Variants in PDXDC1 observed in about 807,000 individuals in gnomAD.
PDXDC1 encodes the protein pyridoxal dependent decarboxylase domain containing 1, also known as pyridoxal-dependent decarboxylase domain-containing protein 1.
PDXDC1 carries 42 observed loss-of-function variants against 100.1 expected under a neutral mutation model. That is an observed-to-expected ratio of 0.42 (90% CI 0.33 to 0.54). The LOEUF is 0.54. PDXDC1 is among the 20% of genes least tolerant of loss of function. The pLI is 0.10. For missense variants in PDXDC1, 636 were observed against 979.2 expected, an observed-to-expected ratio of 0.65 and a Z score of 4.68; for synonymous variants, 260 against 371.7, an observed-to-expected ratio of 0.70 and a Z score of 3.46.
chr16:15,120,969 AAG>A (rs1337788527), intron 16 of PDXDC1, among the ~76,000 whole-genome samples: 5 of 71,620 alleles, frequency 7.0e-5, no homozygotes, highest in South Asian at 4.4e-4. Context: ...TCTCAAAAAA[AAG>A]AAAAAAAAAA....
chr16:15,073,924 T>C (rs1415756170), intron 16 of PDXDC1, among the ~76,000 whole-genome samples: 1 of 152,146 alleles, frequency 6.6e-6, no homozygotes, highest in Admixed American at 6.5e-5. Context: ...GGCAATGATA[T>C]GAGAAAATGT....
At chr16:15,020,021 A>G (rs2042063283) in intron 12 of PDXDC1, among the ~76,000 whole-genome samples, 1 of 145,036 alleles carries the variant, frequency 6.9e-6, no homozygotes, top group African/African-American at 2.5e-5. Flanking sequence ...CTGAGGCCGG[A>G]GAATGGTGTG....
At chr16:15,139,673 C>T (rs1472033999), downstream of PDXDC1, among the ~76,000 whole-genome samples, 2 of 151,766 alleles carry the variant, frequency 1.3e-5, no homozygotes, top group African/African-American at 4.8e-5. Flanking sequence ...TCCAACTACT[C>T]GGGGGGCTGA....
At chr16:14,991,313 T>C (rs1250068258) in intron 1 of PDXDC1, among the ~76,000 whole-genome samples, 1 of 143,136 alleles carries the variant, frequency 7.0e-6, no homozygotes, top group Non-Finnish European at 1.5e-5. Flanking sequence ...GTGTATTTGT[T>C]GTTGTCGAGA....
chr16:15,150,546 G>A, the PDXDC1 span, among the ~76,000 whole-genome samples: 1 of 149,250 alleles, frequency 6.7e-6, no homozygotes, highest in Non-Finnish European at 1.5e-5. Context: ...GCGCGCGCCT[G>A]TAATCCCAGC....
downstream of PDXDC1, among the ~76,000 whole-genome samples, chr16:15,141,718 C>T (rs1015617942): frequency 1.3e-5 from 2 of 152,208 alleles, no homozygotes; most frequent in African/African-American, 4.8e-5. Context: ...GGTGGGCCCA[C>T]AGCCACGCTG....
chr16:15,053,888 G>A (rs1433889295), intron 16 of PDXDC1, among the ~76,000 whole-genome samples: 1 of 152,148 alleles, frequency 6.6e-6, no homozygotes, highest in African/African-American at 2.4e-5. Context: ...ATCCAGCCTG[G>A]GCCACAGAAC....
At chr16:15,055,805 A>T in intron 16 of PDXDC1, 1 of 721,208 alleles carries the variant, frequency 1.4e-6, no homozygotes, top group Non-Finnish European at 1.9e-6. Context: ...CCAAGTTTCA[A>T]GTCTGTGTCG....
In PDXDC1 at chr16:15,126,041, T is replaced by A. The variant is rs2047701603; in HGVS notation, c.1400-12838T>A. The A allele has an allele frequency of 1.5e-4, 88 of 573,644 alleles. 2 individuals carry two copies. In the South Asian group the frequency reaches 1.7e-3, roughly 11 times the overall value. 35.5% of individuals were successfully genotyped at this position (573,644 alleles called of 1,614,324 possible). On this transcript the variant is annotated intron_variant, in intron 16 of 16. Coordinates refer to the PDXDC1 transcript ENST00000535621. ...TAAGGAACAGAGTTTTCAATTTCAT[T>A]TTTTTTTTTCTTAGATGGAGTCTCG...
At chr16:15,131,431 C>T in intron 16 of PDXDC1, 1 of 1,608,462 alleles carries the variant, frequency 6.2e-7, no homozygotes, top group Non-Finnish European at 8.5e-7. Context: ...CGGGGCCCTG[C>T]TGAAAGCCTA....
intron 16 of PDXDC1, chr16:15,044,555 T>C (rs572245505): frequency 1.5e-5 from 10 of 648,418 alleles, no homozygotes; most frequent in Non-Finnish European, 2.5e-5. Flanking sequence ...AAAGAAAGTA[T>C]CGGCAGCACA....
At chr16:14,974,967 C>G, upstream of PDXDC1, 2 of 1,535,122 alleles carry the variant, frequency 1.3e-6, no homozygotes. Flanking sequence ...GCCGGCGTGG[C>G]GCCCAGGTAC....
intron 16 of PDXDC1, among the ~76,000 whole-genome samples, chr16:15,115,011 C>G (rs1329740830): frequency 6.8e-6 from 1 of 146,942 alleles, no homozygotes. Context: ...TCTCGGCTCG[C>G]TACAACCTCC....
At position 15,037,200 on chromosome 16, in the gene PDXDC1, C is replaced by G. The variant is rs142534996; in HGVS notation, c.*925C>G. Reference sequence around the variant, plus strand: ...CAGAAACAGGAGCCAGCAGAGCACTCTCTCACGCTGATCCAGCCGGGCACC... The same window carrying G: ...CAGAAACAGGAGCCAGCAGAGCACTGTCTCACGCTGATCCAGCCGGGCACC... On this transcript the variant is annotated 3_prime_UTR_variant, in exon 23 of 23. Coordinates refer to ENST00000396410, the MANE Select transcript of PDXDC1 (RefSeq NM_015027.4). 6 of 152,370 alleles carry G rather than the reference C, an allele frequency of 3.9e-5. No homozygotes were observed. Among genetic ancestry groups the G allele is most frequent in the African/African-American group, 1.2e-4 (5 of 41,592 alleles). The allele number at this position is 152,370 out of a possible 1,614,324, so 9.4% of individuals were successfully genotyped here. A position where few individuals can be genotyped will look rare whatever the true frequency, so the allele number is the denominator to read the frequency against.
At chr16:15,003,296 A>G (rs1973561591) in intron 4 of PDXDC1, among the ~76,000 whole-genome samples, 2 of 149,102 alleles carry the variant, frequency 1.3e-5, no homozygotes, top group African/African-American at 4.9e-5. Context: ...GGCTCACTTC[A>G]AGCTCTGCCT....
chr16:15,118,987 A>C, intron 16 of PDXDC1: 1 of 1,434,822 alleles, frequency 7.0e-7, no homozygotes, highest in Middle Eastern at 2.0e-4. Context: ...CACAGTAATG[A>C]TAAGTAACCA....
chr16:14,976,628 G>C (rs1342623608), intron 1 of PDXDC1: 4 of 152,394 alleles, frequency 2.6e-5, no homozygotes, highest in Admixed American at 2.0e-4. Flanking sequence ...CTTAAAGCAG[G>C]GGGCAATTTA....
At chr16:14,982,236 G>A (rs1968156845) in intron 1 of PDXDC1, among the ~76,000 whole-genome samples, 1 of 152,304 alleles carries the variant, frequency 6.6e-6, no homozygotes, top group African/African-American at 2.4e-5. Context: ...AGTAATTACA[G>A]TATGTCTTCA....
At chr16:15,122,236 G>C (rs1040079873) in intron 16 of PDXDC1, among the ~76,000 whole-genome samples, 1 of 151,266 alleles carries the variant, frequency 6.6e-6, no homozygotes. Context: ...CTTTGTTTTG[G>C]TCCGTTTTGT....
Sources: allele counts gnomAD v4.1 joint callset (sites outside exome capture counted in the v4.1 genomes callset), GRCh38; gene constraint gnomAD v4.1.1; transcripts MANE v1.5; gene names NCBI Gene and HGNC (gene_info 2026-07-23, HGNC 2026-07-21).